The following CDK17 variants were observed in gnomAD, a reference collection of about 807,000 sequenced individuals.
CDK17 encodes cyclin-dependent kinase 17.
In CDK17, 24 loss-of-function variants were observed where a neutral mutation model predicts 77.6. The observed-to-expected ratio is 0.31, with a 90% CI of 0.22 to 0.44. CDK17 has a LOEUF of 0.44. Ranked by LOEUF, CDK17 falls within the 20% of genes least tolerant of loss-of-function variation. The probability of loss-of-function intolerance (pLI) is 1.00; values close to 1 mark genes in which losing one functional copy is unlikely to be tolerated. For synonymous variants in CDK17, 203 were observed against 210.4 expected (o/e 0.96, Z 0.30); for missense variants, 429 against 622.5 (o/e 0.69, Z 3.31).
chr12:96,287,951 G>A (rs565732047), intron 11 of CDK17, among the ~76,000 whole-genome samples: 1 of 152,062 alleles, frequency 6.6e-6, no homozygotes. Context: ...ACTCATAAGT[G>A]GTACTTAGAA....
intron 2 of CDK17, among the ~76,000 whole-genome samples, chr12:96,329,607 C>G (rs974861040): frequency 5.9e-5 from 9 of 152,160 alleles, no homozygotes; most frequent in African/African-American, 1.9e-4. Flanking sequence ...TACATATATC[C>G]AATGGAGTTT....
chr12:96,314,524 T>C (rs1408639675), intron 3 of CDK17, among the ~76,000 whole-genome samples: 2 of 152,188 alleles, frequency 1.3e-5, no homozygotes, highest in East Asian at 3.8e-4. Flanking sequence ...AAGGTCTGAT[T>C]GCAAAAATTC....
chr12:96,311,578 C>CAGGCG (rs1952645532), intron 4 of CDK17, among the ~76,000 whole-genome samples: 1 of 150,242 alleles, frequency 6.7e-6, no homozygotes. Context: ...GTATTTATTA[C>CAGGCG]TGCCATGTTA....
chr12:96,320,232 T>C lies in CDK17; in HGVS notation c.283+3716A>G, dbSNP rs546979693. ...ATTGCTTCAAAGAGAATAAAATACC[T>C]AGGAATCCAACTTACAAGGGATGTG... On this transcript the variant is annotated intron_variant, in intron 3 of 16. Coordinates refer to ENST00000261211, the MANE Select transcript of CDK17 (RefSeq NM_002595.5). 2.7e-5 allele frequency among the ~76,000 whole-genome samples: 4 copies of C among 147,342 alleles called. No homozygotes were observed. The East Asian group carries it at 6.0e-4, about 22-fold the overall frequency.
intron 10 of CDK17, among the ~76,000 whole-genome samples, chr12:96,294,024 T>C (rs1214160238): frequency 1.3e-5 from 2 of 152,218 alleles, no homozygotes; most frequent in African/African-American, 2.4e-5. Flanking sequence ...CCACAGTTTG[T>C]CTGTCAGTCA....
intron 9 of CDK17, among the ~76,000 whole-genome samples, chr12:96,296,493 T>A (rs562984676): frequency 4.1e-4 from 63 of 152,360 alleles, no homozygotes; most frequent in Non-Finnish European, 7.2e-4. Flanking sequence ...AATATTTTTT[T>A]AAAATGTAAG....
Position 96,282,561 on chromosome 12 carries a change from C to T in CDK17, c.1404G>A (p.Met468Ile). The change falls in exon 15 of 17, where the codon ATG becomes ATA. Residue 468 changes from methionine to isoleucine, a missense_variant. This residue lies in a region of CDK17 where 115 missense variants were observed against 124.2 expected (regional missense o/e 0.93). Transcript: ENST00000261211. ...CCAGACTTCGAAAGTACACATGTTT[C>T]ATGGCCTCTTCAGCTGAAACCCTTT... is the stretch of plus-strand genomic sequence containing the variant. ...SKKRVSAEEA[M>I]KHVYFRSLGP... 6.2e-7 allele frequency: 1 copy of T among 1,613,092 alleles called. No homozygotes were observed. Among genetic ancestry groups the T allele is most frequent in the Non-Finnish European group, 8.5e-7 (1 of 1,179,070 alleles).
rs562179895 is a variant in CDK17 at position 96,326,216 on chromosome 12, T to C, written c.119-2104A>G. 2.0e-5 allele frequency among the ~76,000 whole-genome samples: 3 copies of C among 152,138 alleles called. No homozygotes were observed. In the East Asian group the frequency reaches 5.8e-4, roughly 29 times the overall value. Reference sequence around the variant, plus strand: ...GGAGAATATAGAAAAAAAATGGGGATCATAAGGACATACTATTTGATAAAC... The same window carrying C: ...GGAGAATATAGAAAAAAAATGGGGACCATAAGGACATACTATTTGATAAAC... On this transcript the variant is annotated intron_variant, in intron 2 of 16. Transcript: ENST00000261211.
At chr12:96,315,405 C>A (rs1265574623) in intron 3 of CDK17, among the ~76,000 whole-genome samples, 1 of 152,108 alleles carries the variant, frequency 6.6e-6, no homozygotes, top group Non-Finnish European at 1.5e-5. Flanking sequence ...TCTAAGAATA[C>A]ACTTCAGTTA....
chr12:96,396,769 A>AAAAC (rs548013474), intron 1 of CDK17, among the ~76,000 whole-genome samples: 4 of 152,192 alleles, frequency 2.6e-5, no homozygotes, highest in Non-Finnish European at 4.4e-5. Context: ...TAAAACAAAC[A>AAAAC]AAACAAACAA....
chr12:96,315,862 G>C (rs1035302197), intron 3 of CDK17, among the ~76,000 whole-genome samples: 1 of 152,042 alleles, frequency 6.6e-6, no homozygotes, highest in African/African-American at 2.4e-5. Context: ...TGAGTTACAA[G>C]TGAGACCTTC....
At chr12:96,349,352 T>C (rs1376146945) in intron 1 of CDK17, among the ~76,000 whole-genome samples, 1 of 149,420 alleles carries the variant, frequency 6.7e-6, no homozygotes, top group African/African-American at 2.5e-5. Context: ...ACTTAGGAGG[T>C]TGAGGCGGGA....
intron 1 of CDK17, among the ~76,000 whole-genome samples, chr12:96,381,129 A>G (rs1844899852): frequency 6.6e-6 from 1 of 152,100 alleles, no homozygotes; most frequent in Non-Finnish European, 1.5e-5. Context: ...TCTATCATAA[A>G]CCACATAACC....
At chr12:96,299,018 TATC>T (rs781767746) in intron 6 of CDK17, 35 bp from the exon 7 acceptor site, 17 of 1,050,372 alleles carry the variant, frequency 1.6e-5, no homozygotes, top group East Asian at 2.4e-5. Context: ...GCATCAAAAG[TATC>T]ATAAGAGTCT....
intron 1 of CDK17, among the ~76,000 whole-genome samples, chr12:96,393,728 G>A (rs1406197752): frequency 6.6e-6 from 1 of 151,632 alleles, no homozygotes; most frequent in African/African-American, 2.4e-5. Flanking sequence ...GTGAGACCCT[G>A]TATCTTAACA....
intron 1 of CDK17, among the ~76,000 whole-genome samples, chr12:96,342,028 A>C (rs1347134635): frequency 2.0e-5 from 3 of 152,230 alleles, no homozygotes; most frequent in Admixed American, 2.0e-4. Context: ...AAATAAGCAA[A>C]ACATACACGT....
chr12:96,373,534 G>C (rs1036823806), intron 1 of CDK17, among the ~76,000 whole-genome samples: 2 of 152,142 alleles, frequency 1.3e-5, no homozygotes, highest in South Asian at 2.1e-4. Flanking sequence ...GGCAGAGGTT[G>C]CAGTGAGCCG....
intron 1 of CDK17, among the ~76,000 whole-genome samples, chr12:96,367,569 T>C (rs1246947635): frequency 6.6e-6 from 1 of 152,036 alleles, no homozygotes; most frequent in Non-Finnish European, 1.5e-5. Flanking sequence ...AAGAGTACAA[T>C]TACAACTTAA....
chr12:96,332,060 A>G (rs1394682258), intron 2 of CDK17, among the ~76,000 whole-genome samples: 1 of 152,218 alleles, frequency 6.6e-6, no homozygotes, highest in Non-Finnish European at 1.5e-5. Context: ...TAGTAGCACA[A>G]TGCATTTCCT....
Sources: allele counts gnomAD v4.1 joint callset (sites outside exome capture counted in the v4.1 genomes callset), GRCh38; gene constraint gnomAD v4.1.1; regional missense constraint gnomAD v4.1.1; transcripts MANE v1.5; gene names NCBI Gene and HGNC (gene_info 2026-07-23, HGNC 2026-07-21).